The following ZNF487 variants were observed in gnomAD, a reference collection of about 807,000 sequenced individuals.
ZNF487 encodes zinc finger protein 487.
A neutral mutation model predicts 3.0 loss-of-function variants in ZNF487; 4 were observed. The observed-to-expected ratio is 1.35, with a 90% CI of 0.66 to 3.08. ZNF487 has a LOEUF of 3.08. ZNF487 is among the 30% of genes most tolerant of loss of function. The pLI is 0.01. For synonymous variants in ZNF487, 55 were observed against 34.6 expected (o/e 1.59, Z -2.06); for missense variants, 146 against 98.7 (o/e 1.48, Z -2.03).
chr10:43,454,157 ATTC>A (rs1431165412), intron 1 of ZNF487: 1 of 152,056 alleles, frequency 6.6e-6, no homozygotes, highest in Admixed American at 6.6e-5. Context: ...GGTTGAAGCA[ATTC>A]TTCTGCCTCA....
At chr10:43,520,494 A>C in the ZNF487 span, among the ~76,000 whole-genome samples, 22 of 152,248 alleles carry the variant, frequency 1.4e-4, no homozygotes, top group Non-Finnish European at 2.2e-4. Flanking sequence ...CCACTGATTT[A>C]CTACTCATTC....
intron 3 of ZNF487, among the ~76,000 whole-genome samples, chr10:43,478,174 C>G (rs1360660269): frequency 6.6e-6 from 1 of 152,186 alleles, no homozygotes; most frequent in Non-Finnish European, 1.5e-5. Context: ...AATCCCAGCA[C>G]TTCGGGAGAC....
downstream of ZNF487, among the ~76,000 whole-genome samples, chr10:43,483,758 C>A (rs1298885886): frequency 6.6e-6 from 1 of 152,160 alleles, no homozygotes; most frequent in Non-Finnish European, 1.5e-5. Flanking sequence ...GAACTCCTGA[C>A]CTCAAGTGAT....
At chr10:43,483,794 C>T (rs1473392179), downstream of ZNF487, among the ~76,000 whole-genome samples, 4 of 152,190 alleles carry the variant, frequency 2.6e-5, no homozygotes, top group Non-Finnish European at 5.9e-5. Context: ...TCCCAAATTG[C>T]TGGGATTACA....
chr10:43,446,749 A>C (rs1351391228), intron 1 of ZNF487, among the ~76,000 whole-genome samples: 1 of 149,438 alleles, frequency 6.7e-6, no homozygotes, highest in South Asian at 2.2e-4. Context: ...ATCCCAGATG[A>C]TGGGCGGCCA....
intron 1 of ZNF487, among the ~76,000 whole-genome samples, chr10:43,464,303 C>G (rs972932588): frequency 2.0e-5 from 3 of 151,824 alleles, no homozygotes; most frequent in Non-Finnish European, 2.9e-5. Flanking sequence ...CTGTCTCAGC[C>G]TCCTGGGTAG....
chr10:43,507,035 C>T, the ZNF487 span, among the ~76,000 whole-genome samples: 3 of 152,186 alleles, frequency 2.0e-5, no homozygotes, highest in Non-Finnish European at 1.5e-5. Flanking sequence ...CACTTCTTCC[C>T]ACCCTAGGTG....
chr10:43,485,891 T>C (rs918132969), downstream of ZNF487, among the ~76,000 whole-genome samples: 25 of 152,294 alleles, frequency 1.6e-4, 1 homozygote, highest in African/African-American at 6.0e-4. Flanking sequence ...AATCATTTTT[T>C]TTCCCCATTT....
At chr10:43,476,786 C>T (rs1193780750) in intron 3 of ZNF487, among the ~76,000 whole-genome samples, 4 of 152,094 alleles carry the variant, frequency 2.6e-5, no homozygotes, top group East Asian at 1.9e-4. Flanking sequence ...AGCCAGGCTG[C>T]GTGGAAGTCA....
chr10:43,520,931 G>T, the ZNF487 span, among the ~76,000 whole-genome samples: 1 of 152,332 alleles, frequency 6.6e-6, no homozygotes, highest in South Asian at 2.1e-4. Flanking sequence ...GATCTGGTCT[G>T]TGAGTGTCGA....
chr10:43,441,668 CGT>C (rs1839618068), intron 1 of ZNF487, among the ~76,000 whole-genome samples: 1 of 151,956 alleles, frequency 6.6e-6, no homozygotes, highest in African/African-American at 2.4e-5. Context: ...CTCACTGCAA[CGT>C]CTGCCTCCTG....
chr10:43,486,513 T>A, downstream of ZNF487, among the ~76,000 whole-genome samples: 2 of 141,982 alleles, frequency 1.4e-5, no homozygotes, highest in Non-Finnish European at 1.5e-5. Context: ...GCAACAAGAG[T>A]GAAACTCCTT....
intron 1 of ZNF487, chr10:43,452,427 CAG>C (rs76381311): frequency 0.028 from 4,241 of 152,266 alleles, 93 homozygotes; most frequent in South Asian, 0.04. Context: ...TTTCTGGAGA[CAG>C]GGTCTTGTGT....
chr10:43,501,765 A>C, the ZNF487 span, among the ~76,000 whole-genome samples: 21 of 139,298 alleles, frequency 1.5e-4, no homozygotes, highest in Non-Finnish European at 2.3e-4. Context: ...AACAAAAAAA[A>C]CCCACAAAAC....
Position 43,442,450 on chromosome 10 carries a change from A to T in ZNF487, c.-94+5188A>T, listed in dbSNP as rs550642551. On this transcript the variant is annotated intron_variant, in intron 1 of 3. Transcript: ENST00000437590. ...CCTGAATTTATTTATTTATTTATTT[A>T]TTTATTTTTTTGAGACGGAGTTTCA... Among the ~76,000 whole-genome samples the T allele has an allele frequency of 3.3e-5, 5 of 151,844 alleles. No individual in the cohort carries two copies. In the East Asian group the frequency reaches 5.8e-4, roughly 18 times the overall value.
chr10:43,463,918 G>T (rs1392728022), intron 1 of ZNF487, among the ~76,000 whole-genome samples: 2 of 151,814 alleles, frequency 1.3e-5, no homozygotes, highest in Non-Finnish European at 2.9e-5. Flanking sequence ...TTCACTGACT[G>T]GCTGTTCCCC....
intron 1 of ZNF487, among the ~76,000 whole-genome samples, chr10:43,461,209 G>A (rs1231560716): frequency 6.6e-6 from 1 of 151,608 alleles, no homozygotes; most frequent in Non-Finnish European, 1.5e-5. Context: ...GTTTCATCAT[G>A]TTTGTCAGGC....
intron 1 of ZNF487, among the ~76,000 whole-genome samples, chr10:43,449,609 A>G (rs1284900933): frequency 6.6e-6 from 1 of 152,084 alleles, no homozygotes; most frequent in Non-Finnish European, 1.5e-5. Context: ...TAATGCTTCA[A>G]CATGCATTTT....
chr10:43,456,655 ACTGTAGCCT>A (rs781220233), intron 1 of ZNF487, among the ~76,000 whole-genome samples: 81 of 151,794 alleles, frequency 5.3e-4, no homozygotes, highest in Admixed American at 1.5e-3. Context: ...ATCTCGGCTC[ACTGTAGCCT>A]CTGCCTCCCG....
Sources: gnomAD v4.1 joint callset for allele counts (sites outside exome capture counted in the v4.1 genomes callset) on GRCh38, gnomAD v4.1.1 for gene constraint, MANE v1.5 for transcripts, NCBI Gene and HGNC (gene_info 2026-07-23, HGNC 2026-07-21) for gene names.